The following SEPTIN9 variants were observed in gnomAD, a reference collection of about 807,000 sequenced individuals.
SEPTIN9 encodes septin-9.
A neutral mutation model predicts 56.6 loss-of-function variants in SEPTIN9; 13 were observed. That is an observed-to-expected ratio of 0.23 (90% CI 0.15 to 0.37). The LOEUF (loss-of-function observed/expected upper bound fraction) is 0.37. Among genes scored for constraint, SEPTIN9 ranks in the 10% least tolerant of loss-of-function variants. The pLI, the probability that SEPTIN9 is intolerant of heterozygous loss-of-function variation, is 1.00. For missense variants in SEPTIN9, 650 were observed against 823.1 expected, an observed-to-expected ratio of 0.79 and a Z score of 2.57; for synonymous variants, 332 against 334.1, an observed-to-expected ratio of 0.99 and a Z score of 0.07.
intron 2 of SEPTIN9, among the ~76,000 whole-genome samples, chr17:77,401,074 G>T (rs1386244292): frequency 6.6e-6 from 1 of 152,156 alleles, no homozygotes; most frequent in African/African-American, 2.4e-5. Context: ...TAAGCTGGGG[G>T]AGCCGGACAA....
chr17:77,497,077 A>G lies in SEPTIN9; in HGVS notation c.1574-238A>G, dbSNP rs1217503243. 4 of 600,358 alleles carry G rather than the reference A, an allele frequency of 6.7e-6. 1 individual carries two copies. Among genetic ancestry groups the G allele is most frequent in the South Asian group, 3.8e-5 (2 of 52,776 alleles). The allele number at this position is 600,358 out of a possible 1,614,324, so 37.2% of individuals were successfully genotyped here. ...AGCCAGGAACTTTCTGGAGAGCAGG[A>G]GCTGAGCTGTCCAGGAGCAGGAGCT... On this transcript the variant is annotated intron_variant, in intron 10 of 11. Transcript: ENST00000427177.
intron 2 of SEPTIN9, among the ~76,000 whole-genome samples, chr17:77,401,720 CA>C (rs139887327): frequency 5.9e-4 from 85 of 143,220 alleles, no homozygotes; most frequent in East Asian, 1.2e-3. Flanking sequence ...GACTCCATCT[CA>C]AAAAAAAAAA....
intron 3 of SEPTIN9, among the ~76,000 whole-genome samples, chr17:77,440,850 T>C (rs758452749): frequency 5.3e-5 from 8 of 152,228 alleles, no homozygotes; most frequent in Admixed American, 1.3e-4. Context: ...GCAGCCAGAT[T>C]TGAACCACAT....
At chr17:77,410,399 AC>A (rs1279452134) in intron 3 of SEPTIN9, among the ~76,000 whole-genome samples, 42 of 152,274 alleles carry the variant, frequency 2.8e-4, no homozygotes, top group African/African-American at 9.6e-4. Context: ...ATTCCACTCC[AC>A]GGCCCCTGTC....
Position 77,425,581 on chromosome 17 carries a change from C to T in SEPTIN9, c.721+22878C>T, listed in dbSNP as rs1462813685. ...ACCCCCAAGGCCGCCTGACTTCCAG[C>T]CTCCAAGTGGGGTTGCATTCACCAC... On this transcript the variant is annotated intron_variant, in intron 3 of 11. Coordinates refer to ENST00000427177, the MANE Select transcript of SEPTIN9 (RefSeq NM_001113491.2). This position sits in a 1 kb window ranked among gnomAD's most constrained non-coding sequence, Gnocchi z 4.2. Among the ~76,000 whole-genome samples the T allele has an allele frequency of 6.6e-6, 1 of 152,176 alleles. No homozygotes were observed. Among genetic ancestry groups the T allele is most frequent in the Non-Finnish European group, 1.5e-5 (1 of 68,020 alleles).
At chr17:77,309,489 A>G (rs1054296546) in intron 2 of SEPTIN9, among the ~76,000 whole-genome samples, 1 of 151,646 alleles carries the variant, frequency 6.6e-6, no homozygotes, top group Admixed American at 6.6e-5. Flanking sequence ...TCATTCCTAG[A>G]CGCCCCAGCA....
intron 2 of SEPTIN9, among the ~76,000 whole-genome samples, chr17:77,343,010 T>G (rs554196871): frequency 1.0e-5 from 1 of 100,040 alleles, no homozygotes; most frequent in Non-Finnish European, 2.6e-5. Context: ...TCTGTCTATC[T>G]ATCTATCTAT....
At chr17:77,495,758 G>A (rs889662446) in intron 10 of SEPTIN9, among the ~76,000 whole-genome samples, 10 of 152,220 alleles carry the variant, frequency 6.6e-5, no homozygotes, top group Non-Finnish European at 8.8e-5. Flanking sequence ...ACACAGGGCC[G>A]TGGCAGGAGG....
Position 77,471,212 on chromosome 17 carries a change from C to T in SEPTIN9, c.722-10932C>T, listed in dbSNP as rs1439449381. On this transcript the variant is annotated intron_variant, in intron 3 of 11. Coordinates refer to ENST00000427177, the MANE Select transcript of SEPTIN9 (RefSeq NM_001113491.2). ...GTTGTGTGCGATGTCTTTCTCCCTC[C>T]TGAAGGGGTCATTTAGTCAGGCTCC... Among the ~76,000 whole-genome samples, 4 of 152,332 alleles carry T rather than the reference C, an allele frequency of 2.6e-5. No homozygotes were observed. In the East Asian group the frequency reaches 7.7e-4, roughly 29 times the overall value.
At chr17:77,448,573 TGTG>T (rs1275001615) in intron 3 of SEPTIN9, among the ~76,000 whole-genome samples, 2 of 151,648 alleles carry the variant, frequency 1.3e-5, no homozygotes, top group South Asian at 2.1e-4. Flanking sequence ...ACACCTGAAA[TGTG>T]GTGATTCCAA....
intron 3 of SEPTIN9, among the ~76,000 whole-genome samples, chr17:77,411,221 A>G (rs2074301758): frequency 6.6e-6 from 1 of 152,164 alleles, no homozygotes. Context: ...TGGGTGTGGC[A>G]TTCTCCTGAA....
intron 2 of SEPTIN9, among the ~76,000 whole-genome samples, chr17:77,342,642 G>A (rs1414684530): frequency 6.6e-6 from 1 of 152,132 alleles, no homozygotes; most frequent in African/African-American, 2.4e-5. Flanking sequence ...ACTATTAAAG[G>A]GATCACAAAG....
At chr17:77,307,672 G>A (rs2032325038) in intron 2 of SEPTIN9, among the ~76,000 whole-genome samples, 2 of 152,306 alleles carry the variant, frequency 1.3e-5, no homozygotes, top group African/African-American at 2.4e-5. Context: ...TGGGCCTCTG[G>A]CAGTGGTCAC....
rs552515521 is a variant in SEPTIN9, at chr17:77,421,059, G to T, written c.721+18356G>T. 6.6e-6 allele frequency among the ~76,000 whole-genome samples: 1 copy of T among 152,184 alleles called. No individual in the cohort carries two copies. Among genetic ancestry groups the T allele is most frequent in the Non-Finnish European group, 1.5e-5 (1 of 68,036 alleles). ...GGAGACGGGGTACTGTGCAGTGGTC[G>T]GGGTAGGGGTGGAGCTCTGCCGTCG... On this transcript the variant is annotated intron_variant, in intron 3 of 11. Coordinates refer to ENST00000427177, the MANE Select transcript of SEPTIN9 (RefSeq NM_001113491.2). The surrounding 1 kb of genome is among the most constrained non-coding windows in gnomAD (Gnocchi z 4.6).
intron 1 of SEPTIN9, among the ~76,000 whole-genome samples, chr17:77,305,160 G>A (rs1482848875): frequency 6.6e-6 from 1 of 152,144 alleles, no homozygotes; most frequent in Non-Finnish European, 1.5e-5. Flanking sequence ...TTCCTGGTGG[G>A]GTTTTTGTTG....
At chr17:77,467,098 C>T (rs1234674763) in intron 3 of SEPTIN9, among the ~76,000 whole-genome samples, 3 of 152,220 alleles carry the variant, frequency 2.0e-5, no homozygotes, top group African/African-American at 4.8e-5. Context: ...GGCCATGTCA[C>T]GTCAGGCTTT....
rs1424539914 is a variant in SEPTIN9 at position 77,389,912 on chromosome 17, C to T, written c.77-12147C>T. Among the ~76,000 whole-genome samples the T allele has an allele frequency of 6.6e-6, 1 of 152,142 alleles. No individual in the cohort carries two copies. Among genetic ancestry groups the T allele is most frequent in the Non-Finnish European group, 1.5e-5 (1 of 68,028 alleles). ...AGAGTGTGCCAGAGGTGCTCCCATTCCCATAGCTGATTTAGTAAAGAAAAG... is the reference window on the plus strand; with the variant it reads ...AGAGTGTGCCAGAGGTGCTCCCATTTCCATAGCTGATTTAGTAAAGAAAAG... On this transcript the variant is annotated intron_variant, in intron 2 of 11. Transcript: ENST00000427177. The surrounding 1 kb of genome is among the most constrained non-coding windows in gnomAD (Gnocchi z 4.3).
At chr17:77,415,677 G>C (rs567937750) in intron 3 of SEPTIN9, among the ~76,000 whole-genome samples, 1 of 151,848 alleles carries the variant, frequency 6.6e-6, no homozygotes, top group South Asian at 2.1e-4. Flanking sequence ...GCTGCCCTGT[G>C]CCCGGCACCG....
chr17:77,467,800 G>A (rs773374372), intron 3 of SEPTIN9, among the ~76,000 whole-genome samples: 22 of 152,242 alleles, frequency 1.4e-4, no homozygotes, highest in Non-Finnish European at 3.1e-4. Context: ...CTGCCCCCAT[G>A]CTGGTCTGGG....
Sources: gnomAD v4.1 joint callset for allele counts (sites outside exome capture counted in the v4.1 genomes callset) on GRCh38, gnomAD v4.1.1 for gene constraint, Gnocchi (gnomAD v3.1) non-coding constraint, MANE v1.5 for transcripts, NCBI Gene and HGNC (gene_info 2026-07-23, HGNC 2026-07-21) for gene names.